OPCML: variants seen among roughly 807,000 people sequenced by gnomAD.
OPCML encodes the protein opioid-binding protein/cell adhesion molecule.
In OPCML, 13 loss-of-function variants were observed where a neutral mutation model predicts 37.8. The ratio of observed to expected loss-of-function variants is 0.34; its 90% CI spans 0.22 to 0.55. The LOEUF is 0.55. Among genes scored for constraint, OPCML ranks in the 20% least tolerant of loss-of-function variants. OPCML has a pLI of 0.91. For missense variants in OPCML, 341 were observed against 435.6 expected, an observed-to-expected ratio of 0.78 and a Z score of 1.93; for synonymous variants, 176 against 168.8, an observed-to-expected ratio of 1.04 and a Z score of -0.33.
intron 4 of OPCML, among the ~76,000 whole-genome samples, chr11:132,462,389 A>G (rs565413553): frequency 2.0e-5 from 3 of 152,292 alleles, no homozygotes; most frequent in South Asian, 4.2e-4. Flanking sequence ...CCCTGTACCA[A>G]CAACCTGTGA....
chr11:133,526,110 A>G (rs1948485548), intron 1 of OPCML, among the ~76,000 whole-genome samples: 1 of 152,298 alleles, frequency 6.6e-6, no homozygotes, highest in South Asian at 2.1e-4. Context: ...ACGTGATGGG[A>G]GACAAGCAAA....
At chr11:132,699,521 G>A (rs3019859) in intron 2 of OPCML, among the ~76,000 whole-genome samples, 3 of 151,866 alleles carry the variant, frequency 2.0e-5, no homozygotes, top group Admixed American at 6.6e-5. Context: ...AGGCACATTC[G>A]TTCTATAAAT....
chr11:133,499,368 G>T (rs1273186709), intron 1 of OPCML, among the ~76,000 whole-genome samples: 1 of 152,180 alleles, frequency 6.6e-6, no homozygotes. Flanking sequence ...ATTTTCTCCT[G>T]CTATCCAAAT....
At chr11:133,052,032 AACCACCAGGTTCAT>A (rs1267987407) in intron 1 of OPCML, among the ~76,000 whole-genome samples, 1 of 152,336 alleles carries the variant, frequency 6.6e-6, no homozygotes, top group East Asian at 1.9e-4. Context: ...ATTCTGGCTA[AACCACCAGGTTCAT>A]ACCCTCAGGG....
At chr11:132,478,765 G>A (rs1234035842) in intron 4 of OPCML, among the ~76,000 whole-genome samples, 8 of 152,206 alleles carry the variant, frequency 5.3e-5, no homozygotes, top group Non-Finnish European at 1.2e-4. Context: ...AGATTAACTG[G>A]TTTTGATTTA....
intron 1 of OPCML, among the ~76,000 whole-genome samples, chr11:133,285,896 G>A (rs1001982404): frequency 7.2e-5 from 11 of 152,140 alleles, no homozygotes; most frequent in African/African-American, 2.7e-4. Flanking sequence ...GGTCCTGCCT[G>A]GTAGGAGTTG....
intron 7 of OPCML, among the ~76,000 whole-genome samples, chr11:132,422,147 C>T (rs2095961711): frequency 6.6e-6 from 1 of 151,828 alleles, no homozygotes; most frequent in South Asian, 2.1e-4. Flanking sequence ...ATGTCTTTGT[C>T]TAATTATTAT....
At chr11:132,491,594 T>C (rs2137071449) in intron 4 of OPCML, among the ~76,000 whole-genome samples, 1 of 152,370 alleles carries the variant, frequency 6.6e-6, no homozygotes, top group East Asian at 1.9e-4. Flanking sequence ...CCTTCCCTTG[T>C]TTTATTTTTA....
At chr11:132,823,079 C>T (rs1940086286) in intron 2 of OPCML, among the ~76,000 whole-genome samples, 1 of 152,030 alleles carries the variant, frequency 6.6e-6, no homozygotes, top group African/African-American at 2.4e-5. Context: ...TATTGCATGC[C>T]AATTATCTCA....
intron 2 of OPCML, among the ~76,000 whole-genome samples, chr11:132,710,480 A>G (rs1944215953): frequency 6.6e-6 from 1 of 152,202 alleles, no homozygotes; most frequent in African/African-American, 2.4e-5. Context: ...GTTGCTCATG[A>G]TTTGGTTAGA....
chr11:132,962,831 T>A (rs761301290), intron 1 of OPCML, among the ~76,000 whole-genome samples: 1 of 152,172 alleles, frequency 6.6e-6, no homozygotes, highest in Non-Finnish European at 1.5e-5. Context: ...CAATATTTAC[T>A]TTACACCAGG....
intron 3 of OPCML, among the ~76,000 whole-genome samples, chr11:132,549,352 C>T (rs1448760868): frequency 6.6e-6 from 1 of 152,202 alleles, no homozygotes; most frequent in Non-Finnish European, 1.5e-5. Context: ...GAAATCCTCA[C>T]CACTTTTTAA....
chr11:133,217,634 G>T (rs1939639652), intron 1 of OPCML, among the ~76,000 whole-genome samples: 1 of 152,184 alleles, frequency 6.6e-6, no homozygotes, highest in African/African-American at 2.4e-5. Flanking sequence ...GCCCTCTTCA[G>T]CCCAATTCAG....
Position 132,872,765 on chromosome 11 carries a change from G to C in OPCML, c.146+70161C>G, listed in dbSNP as rs148952561. Among the ~76,000 whole-genome samples the C allele has an allele frequency of 2.6e-3, 402 of 152,264 alleles. 1 individual carries two copies. Among genetic ancestry groups the C allele is most frequent in the African/African-American group, 9.2e-3 (382 of 41,554 alleles). On this transcript the variant is annotated intron_variant, in intron 2 of 7. Transcript: ENST00000524381. Reference sequence around the variant, plus strand: ...TAAGAATGTGAGCGGGTGAATAAAAGAGTGTATGAAGAGGGCTCCCCATTC... The same window carrying C: ...TAAGAATGTGAGCGGGTGAATAAAACAGTGTATGAAGAGGGCTCCCCATTC...
intron 1 of OPCML, among the ~76,000 whole-genome samples, chr11:133,277,246 C>A (rs1490823459): frequency 2.6e-5 from 4 of 152,164 alleles, no homozygotes; most frequent in African/African-American, 9.7e-5. Flanking sequence ...AGCACAGATG[C>A]AGTCAATTTG....
chr11:133,385,097 A>G (rs1302954990), intron 1 of OPCML, among the ~76,000 whole-genome samples: 2 of 152,128 alleles, frequency 1.3e-5, no homozygotes, highest in Non-Finnish European at 2.9e-5. Flanking sequence ...GGGGGCTCAG[A>G]GGCTTGTCCT....
At chr11:133,168,183 C>T (rs1480780850) in intron 1 of OPCML, among the ~76,000 whole-genome samples, 1 of 152,176 alleles carries the variant, frequency 6.6e-6, no homozygotes, top group Non-Finnish European at 1.5e-5. Context: ...ATCCTTAACA[C>T]TGGACCAGTG....
intron 1 of OPCML, among the ~76,000 whole-genome samples, chr11:133,016,648 G>C (rs1947341014): frequency 6.6e-6 from 1 of 152,146 alleles, no homozygotes; most frequent in South Asian, 2.1e-4. Flanking sequence ...CTGGAGTTAG[G>C]ACGGGCATCT....
In OPCML at chr11:132,920,990, C is replaced by T; in HGVS notation, c.146+21936G>A. On this transcript the variant is annotated intron_variant, in intron 2 of 7. Transcript: ENST00000524381. ...TTTCCTTGCCTGACCCCCTCAGCTC[C>T]AGTGCTTCCCGCTGCGTCTGATTCT... 1.3e-5 allele frequency among the ~76,000 whole-genome samples: 2 copies of T among 152,176 alleles called. 1 individual carries two copies. Among genetic ancestry groups the T allele is most frequent in the Non-Finnish European group, 2.9e-5 (2 of 68,036 alleles).
Sources: allele counts gnomAD v4.1 joint callset (sites outside exome capture counted in the v4.1 genomes callset), GRCh38; gene constraint gnomAD v4.1.1; transcripts MANE v1.5; gene names NCBI Gene and HGNC (gene_info 2026-07-23, HGNC 2026-07-21).